POLA1: variants seen among roughly 807,000 people sequenced by gnomAD.
POLA1 encodes DNA polymerase alpha catalytic subunit.
A neutral mutation model predicts 124.0 loss-of-function variants in POLA1; 15 were observed. The ratio of observed to expected loss-of-function variants is 0.12; its 90% confidence interval spans 0.08 to 0.19. The LOEUF is 0.19. Among genes scored for constraint, POLA1 ranks in the 10% least tolerant of loss-of-function variants. The probability of loss-of-function intolerance (pLI) is 1.00; values close to 1 mark genes in which losing one functional copy is unlikely to be tolerated. For missense variants in POLA1, 886 were observed against 1,103.4 expected (o/e 0.80, Z 2.79); for synonymous variants, 408 against 389.4 (o/e 1.05, Z -0.56).
At chrX:24,717,887 CT>C in intron 10 of POLA1, 129 bp downstream of exon 10, 1 of 447,133 alleles carries the variant, frequency 2.2e-6, no homozygotes, top group Non-Finnish European at 3.5e-6. Context: ...TTTTTTTTTT[CT>C]TTATCCTTAA....
intron 24 of POLA1, 139 bp from the exon 25 acceptor site, chrX:24,748,172 C>T (rs1602327231): frequency 1.6e-5 from 7 of 436,070 alleles, no homozygotes; most frequent in South Asian, 1.3e-4. Flanking sequence ...CTTTCTTATA[C>T]TACTCATGCA....
intron 34 of POLA1, among the ~76,000 whole-genome samples, chrX:24,845,218 A>C (rs1408846699): frequency 9.0e-6 from 1 of 111,408 alleles, no homozygotes; most frequent in Non-Finnish European, 1.9e-5. Context: ...TATTTAACAC[A>C]AGGTTTCTAG....
intron 20 of POLA1, among the ~76,000 whole-genome samples, chrX:24,740,491 C>T (rs1445573629): frequency 8.9e-6 from 1 of 112,019 alleles, no homozygotes; most frequent in East Asian, 2.8e-4. Context: ...CAGAGTTATC[C>T]TGCTAAAATC....
chrX:24,734,867 C>T (rs1238786336), intron 17 of POLA1, among the ~76,000 whole-genome samples: 1 of 112,049 alleles, frequency 8.9e-6, no homozygotes, highest in East Asian at 2.8e-4. Context: ...TCACCCGCCT[C>T]AGCCTCCCAA....
rs1463297629 is a variant in POLA1 at position 24,875,694 on chromosome X, T to G, written c.4048-12312T>G. On this transcript the variant is annotated intron_variant, in intron 34 of 36. Coordinates refer to ENST00000379068, the MANE Select transcript of POLA1 (RefSeq NM_001330360.2). The stretch of plus-strand genomic sequence containing the variant: ...GACCCATTATAGTATCAGGTCCATT[T>G]GATTTTTCAAAAGTTAAGGGAAATA... Among the ~76,000 whole-genome samples, 3 of 111,996 alleles carry G rather than the reference T, an allele frequency of 2.7e-5. No individual in the cohort carries two copies. The East Asian group carries it at 8.4e-4, about 31-fold the overall frequency.
At chrX:24,923,282 C>T (rs1268207371) in intron 35 of POLA1, among the ~76,000 whole-genome samples, 1 of 111,571 alleles carries the variant, frequency 9.0e-6, no homozygotes, top group East Asian at 2.8e-4. Flanking sequence ...ACAGCAGATG[C>T]TCATTAGTAT....
chrX:24,881,735 G>C (rs1191800953), intron 34 of POLA1, among the ~76,000 whole-genome samples: 1 of 111,787 alleles, frequency 8.9e-6, no homozygotes, highest in Non-Finnish European at 1.9e-5. Context: ...GAATAAGGAA[G>C]AAATCCCTGT....
At chrX:24,824,495 A>T (rs1358357372) in intron 31 of POLA1, among the ~76,000 whole-genome samples, 3 of 100,350 alleles carry the variant, frequency 3.0e-5, no homozygotes, top group Non-Finnish European at 6.0e-5. Context: ...AAAAAAAAAA[A>T]TGGGGGTCTC....
At position 24,960,400 on chromosome X, in the gene POLA1, T is replaced by C. The variant is rs2048155705; in HGVS notation, c.4261+29851T>C. Among the ~76,000 whole-genome samples the C allele has an allele frequency of 2.7e-5, 3 of 111,864 alleles. No individual in the cohort carries two copies. In the South Asian group the frequency reaches 1.1e-3, roughly 42 times the overall value. ...GTAGGCCATATGTGTTAGTGGGCACTCTGAGGAGATTGAAGTGGCTTCGAG... is the reference window on the plus strand; with the variant it reads ...GTAGGCCATATGTGTTAGTGGGCACCCTGAGGAGATTGAAGTGGCTTCGAG... On this transcript the variant is annotated intron_variant, in intron 36 of 36. Transcript: ENST00000379068.
intron 34 of POLA1, among the ~76,000 whole-genome samples, chrX:24,875,340 C>CTTTG (rs2046916820): frequency 8.9e-6 from 1 of 111,770 alleles, no homozygotes; most frequent in African/African-American, 3.2e-5. Flanking sequence ...TCAAAAAGTA[C>CTTTG]CAAAGGCTTG....
chrX:24,932,338 A>G (rs966957214), intron 36 of POLA1, among the ~76,000 whole-genome samples: 1 of 112,552 alleles, frequency 8.9e-6, no homozygotes, highest in Non-Finnish European at 1.9e-5. Context: ...AGCAGTTTTC[A>G]AAAGGTCTGG....
At chrX:24,792,943 A>G (rs1472450617) in intron 26 of POLA1, among the ~76,000 whole-genome samples, 2 of 111,344 alleles carry the variant, frequency 1.8e-5, no homozygotes, top group Non-Finnish European at 3.8e-5. Context: ...TCAAAGAGAG[A>G]TATCAAAGGC....
chrX:24,801,924 G>GGTGTGTGTGT (rs35938897), intron 26 of POLA1, among the ~76,000 whole-genome samples: 2,162 of 74,469 alleles, frequency 0.029, 62 homozygotes, highest in East Asian at 0.043. Flanking sequence ...GAGGTGGGTG[G>GGTGTGTGTGT]GTGTGTGTGT....
chrX:24,972,196 C>T (rs2048312323), intron 36 of POLA1, among the ~76,000 whole-genome samples: 1 of 111,509 alleles, frequency 9.0e-6, no homozygotes, highest in Non-Finnish European at 1.9e-5. Flanking sequence ...GTCTAGAACT[C>T]CTGACCTCAG....
At chrX:24,954,957 A>G (rs2048089833) in intron 36 of POLA1, among the ~76,000 whole-genome samples, 1 of 111,665 alleles carries the variant, frequency 9.0e-6, no homozygotes, top group African/African-American at 3.3e-5. Flanking sequence ...AAGGACTTTC[A>G]GTTTCATAGG....
intron 35 of POLA1, among the ~76,000 whole-genome samples, chrX:24,927,362 C>T (rs1173167381): frequency 5.4e-5 from 6 of 111,833 alleles, no homozygotes; most frequent in South Asian, 3.8e-4. Context: ...ACATAAAAAA[C>T]GGTGGTATTA....
chrX:24,756,518 G>A (rs138342095), intron 26 of POLA1, among the ~76,000 whole-genome samples: 153 of 108,228 alleles, frequency 1.4e-3, no homozygotes, highest in African/African-American at 4.9e-3. Flanking sequence ...AGCCGAGACC[G>A]CATCACTGCA....
intron 22 of POLA1, among the ~76,000 whole-genome samples, chrX:24,742,915 A>G (rs994757458): frequency 8.9e-6 from 1 of 112,317 alleles, no homozygotes; most frequent in Non-Finnish European, 1.9e-5. Flanking sequence ...CTCAAATTTT[A>G]TATAACATGA....
chrX:24,751,693 T>G (rs190364209), intron 26 of POLA1, among the ~76,000 whole-genome samples: 1,141 of 112,170 alleles, frequency 0.01, 8 homozygotes, highest in Non-Finnish European at 0.015. Flanking sequence ...AAAAATGATT[T>G]TTAAAGTATT....
Sources: allele counts gnomAD v4.1 joint callset (sites outside exome capture counted in the v4.1 genomes callset), GRCh38; gene constraint gnomAD v4.1.1; transcripts MANE v1.5; gene names NCBI Gene and HGNC (gene_info 2026-07-23, HGNC 2026-07-21).